Variants in METTL15 observed in about 807,000 individuals in gnomAD.
METTL15 encodes the protein 12S rRNA N(4)-cytidine methyltransferase METTL15.
Under a neutral mutation model 38.3 loss-of-function variants are expected in METTL15, and 34 were observed. The ratio of observed to expected loss-of-function variants is 0.89; its 90% CI spans 0.68 to 1.18. The LOEUF is 1.18. Among genes scored for constraint, METTL15 ranks in the 50% most tolerant of loss-of-function variants. The pLI is 0.00. For missense variants in METTL15, 438 were observed against 498.4 expected, an observed-to-expected ratio of 0.88 and a Z score of 1.15; for synonymous variants, 162 against 170.9, an observed-to-expected ratio of 0.95 and a Z score of 0.41.
At chr11:28,430,723 G>T (rs1850915438) in intron 6 of METTL15, among the ~76,000 whole-genome samples, 1 of 117,902 alleles carries the variant, frequency 8.5e-6, no homozygotes, top group African/African-American at 3.3e-5. Context: ...TGGGAGGGAG[G>T]TGGGGGGGTC....
intron 6 of METTL15, among the ~76,000 whole-genome samples, chr11:28,314,902 A>G (rs961142059): frequency 6.6e-6 from 1 of 152,210 alleles, no homozygotes; most frequent in Non-Finnish European, 1.5e-5. Flanking sequence ...GCTGCAATCC[A>G]TGTAAAATGT....
intron 4 of METTL15, among the ~76,000 whole-genome samples, chr11:28,237,425 G>T (rs1269904261): frequency 6.6e-6 from 1 of 151,976 alleles, no homozygotes; most frequent in Non-Finnish European, 1.5e-5. Context: ...TCTTCACGTA[G>T]TTCTCGAGCC....
chr11:28,236,158 C>T (rs1175260341), intron 4 of METTL15, among the ~76,000 whole-genome samples: 4 of 151,994 alleles, frequency 2.6e-5, no homozygotes, highest in Non-Finnish European at 5.9e-5. Flanking sequence ...GGATGAAGCC[C>T]ACTTGATCAT....
intron 3 of METTL15, among the ~76,000 whole-genome samples, chr11:28,149,352 G>T (rs74660246): frequency 0.088 from 13,324 of 151,878 alleles, 1,039 homozygotes; most frequent in East Asian, 0.36. Context: ...GCTGAAGTGT[G>T]TGTGTGTTTG....
intron 6 of METTL15, among the ~76,000 whole-genome samples, chr11:28,439,434 T>A (rs759533092): frequency 1.8e-4 from 28 of 152,324 alleles, no homozygotes; most frequent in Non-Finnish European, 3.4e-4. Flanking sequence ...TCACGAGAGC[T>A]CAAGAAAATT....
chr11:28,365,073 C>A (rs1333323437), intron 5 of METTL15, among the ~76,000 whole-genome samples: 1 of 152,090 alleles, frequency 6.6e-6, no homozygotes, highest in Non-Finnish European at 1.5e-5. Context: ...CTGGATTTGG[C>A]TTGCTAGTAT....
rs148515183 is a variant in METTL15, at chr11:28,220,354, G to T, written c.407+9156G>T. Among the ~76,000 whole-genome samples, 212 of 152,250 alleles carry T rather than the reference G, an allele frequency of 1.4e-3. 5 individuals are homozygous for T. In the South Asian group the frequency reaches 0.043, roughly 31 times the overall value. ...CTCTTTTGATCTTTGTTGGTTTAAA[G>T]TGTGTTTTATCAGAGACTTGGATTG... On this transcript the variant is annotated intron_variant, in intron 4 of 6. Transcript: ENST00000407364.
intron 6 of METTL15, among the ~76,000 whole-genome samples, chr11:28,312,338 T>C (rs535649275): frequency 6.6e-6 from 1 of 152,302 alleles, no homozygotes; most frequent in South Asian, 2.1e-4. Context: ...TACATTTGCT[T>C]CCTAAAAAGA....
At chr11:28,379,621 G>T (rs1243887202) in intron 5 of METTL15, among the ~76,000 whole-genome samples, 3 of 152,022 alleles carry the variant, frequency 2.0e-5, no homozygotes, top group Non-Finnish European at 2.9e-5. Flanking sequence ...TTGTTTTGAG[G>T]CCTACCATGT....
At chr11:28,219,576 TGTTA>T (rs989198585) in intron 4 of METTL15, among the ~76,000 whole-genome samples, 5 of 152,292 alleles carry the variant, frequency 3.3e-5, no homozygotes, top group African/African-American at 1.2e-4. Flanking sequence ...TCTGCTCTGA[TGTTA>T]GTTATTTCTT....
chr11:28,287,446 AT>A, intron 4 of METTL15: 2 of 427,184 alleles, frequency 4.7e-6, no homozygotes, highest in Non-Finnish European at 4.6e-6. Flanking sequence ...GTTCACAACA[AT>A]TTTCCTAGCA....
At chr11:28,484,092 A>G (rs1851418626) in intron 6 of METTL15, among the ~76,000 whole-genome samples, 1 of 152,162 alleles carries the variant, frequency 6.6e-6, no homozygotes, top group Non-Finnish European at 1.5e-5. Context: ...AAAATCGTAT[A>G]ATAACGGTGA....
chr11:28,219,433 A>G (rs770080334), intron 4 of METTL15, among the ~76,000 whole-genome samples: 28 of 151,878 alleles, frequency 1.8e-4, no homozygotes, highest in Non-Finnish European at 2.5e-4. Flanking sequence ...TATTGCATCT[A>G]TTTGATTCTT....
At chr11:28,488,155 T>C (rs965210193) in intron 6 of METTL15, among the ~76,000 whole-genome samples, 12 of 152,172 alleles carry the variant, frequency 7.9e-5, no homozygotes, top group African/African-American at 2.9e-4. Context: ...TGAATTATAT[T>C]TCCCTGCTGG....
chr11:28,175,211 C>T (rs531120883), intron 3 of METTL15, among the ~76,000 whole-genome samples: 185 of 150,672 alleles, frequency 1.2e-3, no homozygotes, highest in African/African-American at 4.4e-3. Context: ...GGTTTTTTGT[C>T]CTTGCGATAG....
intron 3 of METTL15, among the ~76,000 whole-genome samples, chr11:28,139,607 C>T (rs1252433247): frequency 6.6e-6 from 1 of 152,122 alleles, no homozygotes; most frequent in African/African-American, 2.4e-5. Flanking sequence ...CTAGCATGAC[C>T]TCTATCCATG....
chr11:28,130,102 G>T (rs976613805), intron 3 of METTL15, among the ~76,000 whole-genome samples: 4 of 152,102 alleles, frequency 2.6e-5, no homozygotes, highest in African/African-American at 9.7e-5. Context: ...TTGAGCTCAG[G>T]AGTTCGCGAT....
chr11:28,234,967 T>G (rs1422753127), intron 4 of METTL15, among the ~76,000 whole-genome samples: 2 of 151,318 alleles, frequency 1.3e-5, no homozygotes, highest in Non-Finnish European at 3.0e-5. Context: ...TAATCCATCT[T>G]GAATTAATTT....
intron 6 of METTL15, among the ~76,000 whole-genome samples, chr11:28,309,416 T>G (rs1406469411): frequency 2.0e-5 from 3 of 152,314 alleles, no homozygotes; most frequent in Non-Finnish European, 4.4e-5. Context: ...AACTTCTACT[T>G]CATCTCTTAC....
Sources: gnomAD v4.1 joint callset for allele counts (sites outside exome capture counted in the v4.1 genomes callset) on GRCh38, gnomAD v4.1.1 for gene constraint, MANE v1.5 for transcripts, NCBI Gene and HGNC (gene_info 2026-07-23, HGNC 2026-07-21) for gene names.